Variants in AGBL1 observed in about 807,000 individuals in gnomAD.
The protein encoded by AGBL1 is cytosolic carboxypeptidase 4.
Under a neutral mutation model 118.9 loss-of-function variants are expected in AGBL1, and 130 were observed. The ratio of observed to expected loss-of-function variants is 1.09; its 90% CI spans 0.95 to 1.26. The LOEUF is 1.26. Ranked by LOEUF, AGBL1 falls within the 50% of genes most tolerant of loss-of-function variation. The pLI, the probability that AGBL1 is intolerant of heterozygous loss-of-function variation, is 0.00. For synonymous variants in AGBL1, 555 were observed against 478.9 expected, an observed-to-expected ratio of 1.16 and a Z score of -2.08; for missense variants, 1,584 against 1,298.1, an observed-to-expected ratio of 1.22 and a Z score of -3.38.
intron 22 of AGBL1, among the ~76,000 whole-genome samples, chr15:86,719,369 A>G (rs148249365): frequency 4.4e-4 from 67 of 152,306 alleles, no homozygotes; most frequent in Admixed American, 1.5e-3. Context: ...ACCAGCTCTG[A>G]GTAGGCATGT....
intron 22 of AGBL1, among the ~76,000 whole-genome samples, chr15:86,814,961 C>T (rs2078839391): frequency 6.6e-6 from 1 of 152,056 alleles, no homozygotes. Context: ...TGTTGGTTTA[C>T]TTCTCTCCTT....
intron 23 of AGBL1, among the ~76,000 whole-genome samples, chr15:86,985,827 T>C (rs1261526182): frequency 2.0e-5 from 3 of 152,186 alleles, no homozygotes; most frequent in African/African-American, 7.2e-5. Context: ...AGTTTTATAG[T>C]TTTAGCTTTT....
chr15:86,410,247 G>A (rs972612293), intron 18 of AGBL1, among the ~76,000 whole-genome samples: 2 of 152,120 alleles, frequency 1.3e-5, no homozygotes, highest in African/African-American at 4.8e-5. Flanking sequence ...ATTTTGCAGA[G>A]GAAGAGGAAA....
intron 18 of AGBL1, among the ~76,000 whole-genome samples, chr15:86,506,993 A>C (rs2142169960): frequency 6.6e-6 from 1 of 152,140 alleles, no homozygotes; most frequent in Admixed American, 6.6e-5. Flanking sequence ...TGTATATTTT[A>C]GTTTAAAATA....
chr15:86,885,970 C>G (rs1312258696), intron 22 of AGBL1, among the ~76,000 whole-genome samples: 1 of 152,178 alleles, frequency 6.6e-6, no homozygotes, highest in Non-Finnish European at 1.5e-5. Flanking sequence ...AACCTAAAGG[C>G]CTGATAGAAA....
chr15:86,790,325 G>A (rs969725348), intron 22 of AGBL1, among the ~76,000 whole-genome samples: 1 of 151,214 alleles, frequency 6.6e-6, no homozygotes, highest in Non-Finnish European at 1.5e-5. Flanking sequence ...GAAGCCATGG[G>A]TATATTTTTG....
intron 21 of AGBL1, among the ~76,000 whole-genome samples, chr15:86,669,451 C>T (rs370282684): frequency 7.9e-5 from 12 of 152,054 alleles, no homozygotes; most frequent in African/African-American, 2.7e-4. Context: ...ACATAACATA[C>T]GTTGAATATT....
intron 21 of AGBL1, among the ~76,000 whole-genome samples, chr15:86,572,877 G>A (rs552966121): frequency 3.1e-4 from 47 of 152,358 alleles, no homozygotes; most frequent in African/African-American, 1.1e-3. Flanking sequence ...CTGTCTCACT[G>A]TAAGAGGCCA....
chr15:86,737,008 C>T (rs1407366974), intron 22 of AGBL1, among the ~76,000 whole-genome samples: 1 of 152,176 alleles, frequency 6.6e-6, no homozygotes, highest in African/African-American at 2.4e-5. Context: ...TGTCTTTTTC[C>T]TGACAATATT....
At chr15:86,256,622 C>G (rs1295857722) in intron 7 of AGBL1, among the ~76,000 whole-genome samples, 2 of 152,178 alleles carry the variant, frequency 1.3e-5, no homozygotes, top group African/African-American at 2.4e-5. Context: ...ATGAAATGAG[C>G]AAGAGACAGA....
rs114723755 is a variant in AGBL1 at position 86,869,702 on chromosome 15, T to C, written c.3159-37385T>C. On this transcript the variant is annotated intron_variant, in intron 22 of 22. Coordinates refer to ENST00000614907, the MANE Select transcript of AGBL1 (RefSeq NM_001386094.1). ...AATGATAAAATAACAATAATAATTATTATAACCATCCCTACTACCCCAACT... is the reference window on the plus strand; with the variant it reads ...AATGATAAAATAACAATAATAATTACTATAACCATCCCTACTACCCCAACT... 8.6e-3 allele frequency among the ~76,000 whole-genome samples: 1,304 copies of C among 152,254 alleles called. 14 individuals are homozygous for C. Among genetic ancestry groups the C allele is most frequent in the African/African-American group, 0.03 (1,261 of 41,542 alleles).
downstream of AGBL1, among the ~76,000 whole-genome samples, chr15:86,919,000 T>A (rs867289832): frequency 1.3e-5 from 2 of 152,132 alleles, no homozygotes; most frequent in Non-Finnish European, 2.9e-5. Context: ...GGTGACTCTA[T>A]TTTTTTCAGA....
At chr15:86,730,016 A>G (rs578021678) in intron 22 of AGBL1, among the ~76,000 whole-genome samples, 1 of 152,298 alleles carries the variant, frequency 6.6e-6, no homozygotes. Context: ...GCATTTCTCT[A>G]ATTAGCAATG....
intron 22 of AGBL1, among the ~76,000 whole-genome samples, chr15:86,896,715 A>G (rs2080133451): frequency 6.6e-6 from 1 of 152,048 alleles, no homozygotes; most frequent in South Asian, 2.1e-4. Flanking sequence ...TCTCATGCAT[A>G]TGTTCTTATT....
At chr15:86,318,537 T>C (rs2080053385) in intron 17 of AGBL1, among the ~76,000 whole-genome samples, 1 of 151,988 alleles carries the variant, frequency 6.6e-6, no homozygotes, top group East Asian at 1.9e-4. Context: ...TAGCTATTAA[T>C]AAAGCCTGGG....
chr15:86,335,719 G>C (rs753949483), intron 17 of AGBL1, among the ~76,000 whole-genome samples: 14 of 152,174 alleles, frequency 9.2e-5, no homozygotes, highest in Non-Finnish European at 1.5e-4. Flanking sequence ...GTTGTTATAA[G>C]AAAGTTGGAG....
chr15:86,718,340 A>T (rs551444017), intron 22 of AGBL1, among the ~76,000 whole-genome samples: 1 of 152,282 alleles, frequency 6.6e-6, no homozygotes, highest in South Asian at 2.1e-4. Context: ...TTGAACAAGG[A>T]GAACACTTGG....
At chr15:86,497,037 A>G (rs1156608482) in intron 18 of AGBL1, among the ~76,000 whole-genome samples, 2 of 152,002 alleles carry the variant, frequency 1.3e-5, no homozygotes, top group Non-Finnish European at 2.9e-5. Context: ...AAGTTGTGCA[A>G]TATCTCTATA....
intron 1 of AGBL1, chr15:86,138,279 C>T (rs1364893227): frequency 1.3e-5 from 2 of 152,256 alleles, no homozygotes; most frequent in African/African-American, 4.8e-5. Context: ...CCCCTTTCAA[C>T]TTGGTTTCTC....
Sources: gnomAD v4.1 joint callset for allele counts (sites outside exome capture counted in the v4.1 genomes callset) on GRCh38, gnomAD v4.1.1 for gene constraint, MANE v1.5 for transcripts, NCBI Gene and HGNC (gene_info 2026-07-23, HGNC 2026-07-21) for gene names.